SLC4A7: variants seen among roughly 807,000 people sequenced by gnomAD.
SLC4A7 encodes solute carrier family 4 member 7, also known as sodium bicarbonate cotransporter 3.
In SLC4A7, 51 loss-of-function variants were observed where a neutral mutation model predicts 137.6. The ratio of observed to expected loss-of-function variants is 0.37; its 90% confidence interval spans 0.30 to 0.47. The LOEUF is 0.47. Ranked by LOEUF, SLC4A7 falls within the 20% of genes least tolerant of loss-of-function variation. The pLI is 1.00. For synonymous variants in SLC4A7, 542 were observed against 518.6 expected (o/e 1.05, Z -0.61); for missense variants, 1,247 against 1,525.4 (o/e 0.82, Z 3.04).
At position 27,480,564 on chromosome 3, in the gene SLC4A7, A is replaced by G. The variant is rs1435516296; in HGVS notation, c.60+3503T>C. Among the ~76,000 whole-genome samples, 4 of 152,170 alleles carry G rather than the reference A, an allele frequency of 2.6e-5. No individual in the cohort carries two copies. In the East Asian group the frequency reaches 7.7e-4, roughly 29 times the overall value. On this transcript the variant is annotated intron_variant, in intron 1 of 25. Coordinates refer to ENST00000454389, the MANE Select transcript of SLC4A7 (RefSeq NM_001321103.2). ...AGTTTCAGATTTGCTCTCTCCCTTT[A>G]TTACAACTCCATGGATTGCGGCCCA...
intron 7 of SLC4A7, among the ~76,000 whole-genome samples, chr3:27,431,068 G>T (rs2056226946): frequency 1.3e-5 from 2 of 151,986 alleles, no homozygotes; most frequent in Admixed American, 6.6e-5. Flanking sequence ...TCTTGCCACT[G>T]AAAGTAATTT....
At position 27,413,231 on chromosome 3, in the gene SLC4A7, G is replaced by GA. The variant is rs201790380; in HGVS notation, c.1660-1484dup. On this transcript the variant is annotated intron_variant, in intron 11 of 25. Coordinates refer to ENST00000454389, the MANE Select transcript of SLC4A7 (RefSeq NM_001321103.2). ...AAATGATTTACCAAAACTGACATCA[G>GA]AAAAAACAGGAAGTTTTACATATAC... Among the ~76,000 whole-genome samples, 7 of 152,124 alleles carry GA rather than the reference G, an allele frequency of 4.6e-5. No individual in the cohort carries two copies. In the East Asian group the frequency reaches 1.4e-3, roughly 29 times the overall value.
At chr3:27,482,567 TC>T (rs2059759465) in intron 1 of SLC4A7, among the ~76,000 whole-genome samples, 1 of 152,034 alleles carries the variant, frequency 6.6e-6, no homozygotes, top group Non-Finnish European at 1.5e-5. Context: ...GGTCAGGAGT[TC>T]CAGACCAGCC....
At chr3:27,423,746 C>A in intron 8 of SLC4A7, 1 of 256,716 alleles carries the variant, frequency 3.9e-6, no homozygotes, top group Non-Finnish European at 7.4e-6. Flanking sequence ...ACTGACGTTT[C>A]ACGATATCTA....
At chr3:27,483,972 G>A in intron 1 of SLC4A7, 95 bp downstream of exon 1, 1 of 994,042 alleles carries the variant, frequency 1.0e-6, no homozygotes, top group Non-Finnish European at 1.3e-6. Flanking sequence ...GGGACGAGGT[G>A]GCCGAGCCGC....
chr3:27,457,418 A>C (rs2058468916), intron 1 of SLC4A7, among the ~76,000 whole-genome samples: 1 of 152,134 alleles, frequency 6.6e-6, no homozygotes, highest in African/African-American at 2.4e-5. Flanking sequence ...TCTGCAGTCA[A>C]TCTGATGTGA....
chr3:27,392,891 A>C (rs570244558), intron 20 of SLC4A7, among the ~76,000 whole-genome samples: 1 of 152,314 alleles, frequency 6.6e-6, no homozygotes, highest in South Asian at 2.1e-4. Flanking sequence ...ATGAAAATTA[A>C]ATCTATAAAT....
At position 27,437,654 on chromosome 3, in the gene SLC4A7, A is replaced by C. The variant is rs887605587; in HGVS notation, c.290-128T>G. 5 of 445,978 alleles carry C rather than the reference A, an allele frequency of 1.1e-5. No individual in the cohort carries two copies. The East Asian group carries it at 1.8e-4, about 16-fold the overall frequency. 27.6% of individuals were successfully genotyped at this position (445,978 alleles called of 1,614,324 possible). On this transcript the variant is annotated intron_variant, in intron 3 of 25. Coordinates refer to ENST00000454389, the MANE Select transcript of SLC4A7 (RefSeq NM_001321103.2). ...AAATATATTTCATCAAAACTCTCTT[A>C]ATTATTGAACTATCACAATTCTGAA...
intron 14 of SLC4A7, among the ~76,000 whole-genome samples, chr3:27,404,378 T>G (rs1181499318): frequency 1.3e-5 from 2 of 152,112 alleles, no homozygotes; most frequent in Non-Finnish European, 2.9e-5. Flanking sequence ...AATAAATGAA[T>G]ACATAAATAA....
At chr3:27,386,447 G>A (rs1466104660) in intron 22 of SLC4A7, among the ~76,000 whole-genome samples, 1 of 152,016 alleles carries the variant, frequency 6.6e-6, no homozygotes, top group Non-Finnish European at 1.5e-5. Flanking sequence ...AATCATATGG[G>A]AGAAATGAAC....
At chr3:27,441,110 G>GT (rs1361819225) in intron 3 of SLC4A7, among the ~76,000 whole-genome samples, 2 of 152,116 alleles carry the variant, frequency 1.3e-5, no homozygotes, top group Admixed American at 6.6e-5. Flanking sequence ...GCCATATAAT[G>GT]TAACATTCAC....
intron 3 of SLC4A7, among the ~76,000 whole-genome samples, chr3:27,442,514 TTCCGCC>T (rs1408638514): frequency 6.6e-6 from 1 of 151,796 alleles, no homozygotes; most frequent in Non-Finnish European, 1.5e-5. Context: ...GCTCACTAGC[TTCCGCC>T]TCCTGGGTTC....
intron 1 of SLC4A7, among the ~76,000 whole-genome samples, chr3:27,479,164 C>T (rs996409437): frequency 9.2e-5 from 14 of 152,184 alleles, no homozygotes; most frequent in Non-Finnish European, 1.6e-4. Flanking sequence ...CCTGTAATCC[C>T]AGCACTTTGG....
At chr3:27,410,291 C>T (rs1444055320) in intron 12 of SLC4A7, among the ~76,000 whole-genome samples, 1 of 152,116 alleles carries the variant, frequency 6.6e-6, no homozygotes, top group Non-Finnish European at 1.5e-5. Flanking sequence ...TTCTTGTTCA[C>T]TGCGTTATCT....
chr3:27,383,376 GA>G (rs2050623743), intron 23 of SLC4A7, 126 bp from the exon 24 acceptor site: 1 of 685,366 alleles, frequency 1.5e-6, no homozygotes, highest in Non-Finnish European at 2.5e-6. Flanking sequence ...TGCCATTACT[GA>G]AAAATTTTAT....
At chr3:27,467,561 A>C (rs964716269) in intron 1 of SLC4A7, among the ~76,000 whole-genome samples, 31 of 152,252 alleles carry the variant, frequency 2.0e-4, no homozygotes, top group Non-Finnish European at 3.4e-4. Flanking sequence ...AGTAGCCAAG[A>C]AAAGAGGAAG....
intron 1 of SLC4A7, among the ~76,000 whole-genome samples, chr3:27,460,767 A>G (rs1326407069): frequency 6.6e-6 from 1 of 152,218 alleles, no homozygotes; most frequent in Non-Finnish European, 1.5e-5. Context: ...TATTTTGGAT[A>G]GATACCTTCT....
chr3:27,445,355 C>T (rs1026721130), intron 3 of SLC4A7, among the ~76,000 whole-genome samples: 1 of 152,102 alleles, frequency 6.6e-6, no homozygotes, highest in Non-Finnish European at 1.5e-5. Context: ...CAACTCTAGG[C>T]TCTGTTTGGG....
At chr3:27,431,179 T>C in intron 7 of SLC4A7, 119 bp downstream of exon 7, 1 of 1,069,646 alleles carries the variant, frequency 9.3e-7, no homozygotes, top group South Asian at 2.9e-5. Context: ...CATGCAGAAG[T>C]CAAAATAAAT....
Sources: gnomAD v4.1 joint callset for allele counts (sites outside exome capture counted in the v4.1 genomes callset) on GRCh38, gnomAD v4.1.1 for gene constraint, MANE v1.5 for transcripts, NCBI Gene and HGNC (gene_info 2026-07-23, HGNC 2026-07-21) for gene names.